Variants in ZNF536 observed in about 807,000 individuals in gnomAD.
The protein encoded by ZNF536 is zinc finger protein 536.
In ZNF536, 13 loss-of-function variants were observed where a neutral mutation model predicts 84.5. That is an observed-to-expected ratio of 0.15 (90% CI 0.10 to 0.24). The LOEUF (loss-of-function observed/expected upper bound fraction) is 0.24, where lower values mean the gene tolerates loss of function less well. ZNF536 is among the 10% of genes least tolerant of loss of function. The pLI, the probability that ZNF536 is intolerant of heterozygous loss-of-function variation, is 1.00. For missense variants in ZNF536, 1,536 were observed against 1,747.5 expected, an observed-to-expected ratio of 0.88 and a Z score of 2.16; for synonymous variants, 811 against 742.5, an observed-to-expected ratio of 1.09 and a Z score of -1.50.
downstream of ZNF536, among the ~76,000 whole-genome samples, chr19:30,562,701 A>G (rs1219691941): frequency 6.6e-6 from 1 of 151,960 alleles, no homozygotes; most frequent in Non-Finnish European, 1.5e-5. Flanking sequence ...CTTTCAATAC[A>G]TGTATCCATC....
chr19:30,509,033 T>C (rs904376100), intron 2 of ZNF536, among the ~76,000 whole-genome samples: 3 of 150,430 alleles, frequency 2.0e-5, no homozygotes, highest in Non-Finnish European at 4.4e-5. Flanking sequence ...TGGGGTCTCA[T>C]TGTGTTGCCC....
intron 1 of ZNF536, among the ~76,000 whole-genome samples, chr19:30,621,426 C>G (rs1045943784): frequency 5.3e-5 from 8 of 151,936 alleles, no homozygotes; most frequent in Non-Finnish European, 8.8e-5. Flanking sequence ...TGTACAAAGC[C>G]CAGCTCTTCT....
At chr19:30,694,176 G>A (rs930312375) in intron 1 of ZNF536, among the ~76,000 whole-genome samples, 1 of 152,182 alleles carries the variant, frequency 6.6e-6, no homozygotes, top group Admixed American at 6.5e-5. Flanking sequence ...ACAGAGCACA[G>A]CACACCCTTG....
intron 3 of ZNF536, among the ~76,000 whole-genome samples, chr19:30,357,119 A>G (rs1350376345): frequency 1.3e-5 from 2 of 152,268 alleles, no homozygotes; most frequent in African/African-American, 4.8e-5. Context: ...TCACAGAGCA[A>G]TAAATGCATA....
At chr19:30,544,060 G>A (rs559424561) in intron 3 of ZNF536, among the ~76,000 whole-genome samples, 37 of 152,316 alleles carry the variant, frequency 2.4e-4, no homozygotes, top group South Asian at 1.0e-3. Flanking sequence ...TAGCGATTAC[G>A]AGGAAATTAA....
chr19:30,474,897 C>T (rs898348889), intron 2 of ZNF536, among the ~76,000 whole-genome samples: 4 of 150,846 alleles, frequency 2.7e-5, no homozygotes, highest in Non-Finnish European at 5.9e-5. Context: ...ATGGTCTCAG[C>T]CTCCTGCTGT....
intron 2 of ZNF536, among the ~76,000 whole-genome samples, chr19:30,527,645 C>G (rs995855906): frequency 6.6e-6 from 1 of 150,976 alleles, no homozygotes; most frequent in Non-Finnish European, 1.5e-5. Context: ...GTTATGTCTT[C>G]TAAGAGTTAG....
At chr19:30,242,948 T>C (rs2024036381) in intron 1 of ZNF536, among the ~76,000 whole-genome samples, 1 of 152,224 alleles carries the variant, frequency 6.6e-6, no homozygotes, top group Admixed American at 6.5e-5. Flanking sequence ...TTTCATTAAA[T>C]AACTGTAAAC....
At chr19:30,686,042 G>A (rs993965245) in intron 1 of ZNF536, among the ~76,000 whole-genome samples, 8 of 152,208 alleles carry the variant, frequency 5.3e-5, no homozygotes, top group African/African-American at 1.4e-4. Context: ...AGGGTGTGAT[G>A]TCTGAATCCC....
At chr19:30,338,085 T>C (rs2047440495) in intron 2 of ZNF536, among the ~76,000 whole-genome samples, 1 of 151,086 alleles carries the variant, frequency 6.6e-6, no homozygotes, top group South Asian at 2.1e-4. Context: ...GATATGATGA[T>C]AATGGTGATC....
chr19:30,383,739 CTTTCTCTT>C (rs1742229423), intron 1 of ZNF536, among the ~76,000 whole-genome samples: 1 of 7,054 alleles, frequency 1.4e-4, no homozygotes, highest in East Asian at 6.9e-4. Flanking sequence ...TTCTTTCTTT[CTTTCTCTT>C]TCTTTCTTTC....
rs35509271 is a variant in ZNF536, at chr19:30,582,375, CTTTTTTT to C, written c.169+32879_169+32885del. Among the ~76,000 whole-genome samples the C allele has an allele frequency of 6.6e-4, 59 of 89,168 alleles. 1 individual carries two copies. Among genetic ancestry groups the C allele is most frequent in the East Asian group, 1.8e-3 (5 of 2,764 alleles). 58.5% of individuals were successfully genotyped at this position (89,168 alleles called of 152,430 possible). The stretch of plus-strand genomic sequence containing the variant: ...GTCCTGGCTTCTCTTCCTAGTTTCT[CTTTTTTT>C]TTTTTTTTTTTTTTTTTCAGACAGG... On this transcript the variant is annotated intron_variant, in intron 1 of 1. Transcript: ENST00000592773.
chr19:30,700,213 C>CTTCT (rs60390336), intron 1 of ZNF536, among the ~76,000 whole-genome samples: 6,383 of 102,278 alleles, frequency 0.062, 287 homozygotes, highest in Admixed American at 0.1. Flanking sequence ...TCTTTCTTTC[C>CTTCT]TTCTTTCTTT....
At chr19:30,565,813 G>A (rs2046328546) in intron 1 of ZNF536, among the ~76,000 whole-genome samples, 1 of 152,052 alleles carries the variant, frequency 6.6e-6, no homozygotes, top group South Asian at 2.1e-4. Flanking sequence ...GCCTCAGCTT[G>A]GCCAGCTGAA....
At chr19:30,617,642 A>G (rs2048352199) in intron 1 of ZNF536, among the ~76,000 whole-genome samples, 1 of 151,400 alleles carries the variant, frequency 6.6e-6, no homozygotes, top group East Asian at 1.9e-4. Flanking sequence ...GAGCCACCAC[A>G]CCTGGCCTGA....
intron 1 of ZNF536, among the ~76,000 whole-genome samples, chr19:30,431,687 C>T (rs189451861): frequency 6.6e-6 from 1 of 152,302 alleles, no homozygotes; most frequent in African/African-American, 2.4e-5. Flanking sequence ...CGGCTTTAAT[C>T]AGGGGTAAAG....
chr19:30,583,944 G>T (rs1008748139), intron 1 of ZNF536, among the ~76,000 whole-genome samples: 1 of 152,164 alleles, frequency 6.6e-6, no homozygotes, highest in Non-Finnish European at 1.5e-5. Flanking sequence ...CACTGAGAAA[G>T]TGGTTCTCTC....
intron 2 of ZNF536, among the ~76,000 whole-genome samples, chr19:30,479,805 G>A (rs2053998719): frequency 6.6e-6 from 1 of 152,196 alleles, no homozygotes; most frequent in South Asian, 2.1e-4. Context: ...TTTGGGTATG[G>A]CTGGTTAACC....
chr19:30,503,912 CT>C (rs35005700), intron 2 of ZNF536, among the ~76,000 whole-genome samples: 10 of 144,066 alleles, frequency 6.9e-5, no homozygotes, highest in Admixed American at 1.4e-4. Flanking sequence ...TTCTTTCTTT[CT>C]TCTCTCTCTT....
Sources: allele counts gnomAD v4.1 joint callset (sites outside exome capture counted in the v4.1 genomes callset), GRCh38; gene constraint gnomAD v4.1.1; transcripts MANE v1.5; gene names NCBI Gene and HGNC (gene_info 2026-07-23, HGNC 2026-07-21).